The following DGKB variants were observed in gnomAD, a reference collection of about 807,000 sequenced individuals.
DGKB encodes diacylglycerol kinase beta, also known as 90 kDa diacylglycerol kinase.
DGKB carries 67 observed loss-of-function variants against 114.3 expected under a neutral mutation model. That is an observed-to-expected ratio of 0.59 (90% confidence interval 0.48 to 0.72). The LOEUF (loss-of-function observed/expected upper bound fraction) is 0.72, where lower values mean the gene tolerates loss of function less well. DGKB is among the 30% of genes least tolerant of loss of function. The pLI is 0.00. For synonymous variants in DGKB, 398 were observed against 323.1 expected, an observed-to-expected ratio of 1.23 and a Z score of -2.49; for missense variants, 907 against 975.2, an observed-to-expected ratio of 0.93 and a Z score of 0.93.
At chr7:14,565,684 T>G (rs1254285602) in intron 20 of DGKB, among the ~76,000 whole-genome samples, 1 of 152,156 alleles carries the variant, frequency 6.6e-6, no homozygotes, top group African/African-American at 2.4e-5. Context: ...CCCTGGACAC[T>G]GTCGATTTTA....
At chr7:14,905,252 T>G (rs1471184143), upstream of DGKB, among the ~76,000 whole-genome samples, 6 of 151,244 alleles carry the variant, frequency 4.0e-5, no homozygotes, top group East Asian at 7.7e-4. Flanking sequence ...TAGTTTTTTT[T>G]TTTTTTTTTT....
Position 14,724,707 on chromosome 7 carries a change from A to G in DGKB, c.323-6022T>C, listed in dbSNP as rs780723220. On this transcript the variant is annotated intron_variant, in intron 5 of 25. Transcript: ENST00000402815. ...TACAGTGGTCTTATTTGACCCTACA[A>G]TTCTGTTTTAAAGATGAGAAAGTGG... is the stretch of plus-strand genomic sequence containing the variant. 4.6e-5 allele frequency among the ~76,000 whole-genome samples: 7 copies of G among 152,220 alleles called. 1 individual carries two copies. Among genetic ancestry groups the G allele is most frequent in the Admixed American group, 1.3e-4 (2 of 15,278 alleles).
At chr7:14,822,098 C>T (rs1023293119) in intron 2 of DGKB, among the ~76,000 whole-genome samples, 1 of 152,048 alleles carries the variant, frequency 6.6e-6, no homozygotes, top group Admixed American at 6.6e-5. Flanking sequence ...TTACTTTAAT[C>T]GGGCAGAAAG....
chr7:14,459,112 C>T (rs961222243), intron 21 of DGKB, among the ~76,000 whole-genome samples: 1 of 152,124 alleles, frequency 6.6e-6, no homozygotes, highest in African/African-American at 2.4e-5. Context: ...CAGAGCCCAC[C>T]GCAGCTTGGC....
intron 21 of DGKB, among the ~76,000 whole-genome samples, chr7:14,409,828 G>C (rs543952573): frequency 2.0e-5 from 3 of 151,300 alleles, no homozygotes; most frequent in Non-Finnish European, 2.9e-5. Context: ...CTTATAAACA[G>C]ACAAGTACTG....
chr7:14,154,165 G>A (rs1042216771), intron 25 of DGKB, among the ~76,000 whole-genome samples: 3 of 138,716 alleles, frequency 2.2e-5, no homozygotes, highest in Non-Finnish European at 4.6e-5. Flanking sequence ...AATTGATATG[G>A]TAGAGTTTTG....
At position 14,155,129 on chromosome 7, in the gene DGKB, C is replaced by G. The variant is rs76656309; in HGVS notation, c.2305-5891G>C. On this transcript the variant is annotated intron_variant, in intron 25 of 25. Coordinates refer to ENST00000402815, the MANE Select transcript of DGKB (RefSeq NM_001350709.2). ...GCCTATTTGTCATTTTACTTCTCTT[C>G]CTAAGTGGCAAGACCAATAAGAATC... 8.2e-3 allele frequency among the ~76,000 whole-genome samples: 1,245 copies of G among 152,130 alleles called. 20 individuals are homozygous for G. The highest frequency in any genetic ancestry group is 8.7e-3 in the Non-Finnish European group (591 of 67,986).
At chr7:14,556,548 C>T (rs1795902887) in intron 20 of DGKB, among the ~76,000 whole-genome samples, 1 of 151,794 alleles carries the variant, frequency 6.6e-6, no homozygotes, top group African/African-American at 2.4e-5. Context: ...CCCCTATGCC[C>T]CTATACGTGT....
chr7:14,852,487 C>CAACAAAAAAA (rs1849497067), intron 1 of DGKB, among the ~76,000 whole-genome samples: 1 of 63,616 alleles, frequency 1.6e-5, no homozygotes, highest in Non-Finnish European at 3.0e-5. Flanking sequence ...TAGTGAAAGT[C>CAACAAAAAAA]AAAAAAAAAA....
At chr7:14,740,928 T>C (rs1260196301) in intron 4 of DGKB, among the ~76,000 whole-genome samples, 1 of 152,188 alleles carries the variant, frequency 6.6e-6, no homozygotes, top group Non-Finnish European at 1.5e-5. Flanking sequence ...CTCTCTCATG[T>C]ACCCTGGGCA....
chr7:14,160,454 A>G (rs1021122371), intron 25 of DGKB, among the ~76,000 whole-genome samples: 4 of 152,218 alleles, frequency 2.6e-5, no homozygotes, highest in South Asian at 2.1e-4. Flanking sequence ...AATGTGCAAG[A>G]ATCACAAGCA....
At chr7:14,272,871 GA>G (rs796266728) in intron 23 of DGKB, among the ~76,000 whole-genome samples, 11 of 151,820 alleles carry the variant, frequency 7.2e-5, no homozygotes, top group South Asian at 6.2e-4. Context: ...AGTTTGAAAG[GA>G]AAAAAAAGAT....
At chr7:14,548,992 T>A (rs1238057521) in intron 20 of DGKB, among the ~76,000 whole-genome samples, 12 of 147,264 alleles carry the variant, frequency 8.1e-5, no homozygotes, top group Middle Eastern at 3.2e-3. Context: ...TGAGGAGGAG[T>A]GAAATAACCC....
At chr7:14,417,032 T>C (rs1051504360) in intron 21 of DGKB, among the ~76,000 whole-genome samples, 4 of 152,234 alleles carry the variant, frequency 2.6e-5, no homozygotes, top group African/African-American at 9.6e-5. Context: ...TTCTTGATTA[T>C]AAAGATACAC....
At chr7:14,795,860 T>G (rs940405708) in intron 2 of DGKB, among the ~76,000 whole-genome samples, 14 of 152,192 alleles carry the variant, frequency 9.2e-5, no homozygotes, top group Non-Finnish European at 1.6e-4. Flanking sequence ...TTTAAAAGTT[T>G]ATTTAAAAGC....
intron 23 of DGKB, among the ~76,000 whole-genome samples, chr7:14,255,766 G>A (rs540841385): frequency 6.7e-6 from 1 of 149,246 alleles, no homozygotes; most frequent in Non-Finnish European, 1.5e-5. Context: ...TCTTCTCCGT[G>A]CAGCTAAGCT....
intron 20 of DGKB, among the ~76,000 whole-genome samples, chr7:14,499,223 A>G (rs1258758908): frequency 6.6e-6 from 1 of 151,656 alleles, no homozygotes; most frequent in Non-Finnish European, 1.5e-5. Flanking sequence ...TGCCCCTTTT[A>G]CTGCTTTTTG....
intron 21 of DGKB, among the ~76,000 whole-genome samples, chr7:14,475,455 G>T (rs529170470): frequency 6.6e-6 from 1 of 152,094 alleles, no homozygotes; most frequent in African/African-American, 2.4e-5. Context: ...GACTTAATCT[G>T]CAAATGTATA....
At chr7:14,801,586 CT>C (rs976542059) in intron 2 of DGKB, among the ~76,000 whole-genome samples, 1 of 151,902 alleles carries the variant, frequency 6.6e-6, no homozygotes, top group African/African-American at 2.4e-5. Flanking sequence ...GAATTTGTCC[CT>C]TTTTTTTCTG....
Sources: gnomAD v4.1 joint callset for allele counts (sites outside exome capture counted in the v4.1 genomes callset) on GRCh38, gnomAD v4.1.1 for gene constraint, MANE v1.5 for transcripts, NCBI Gene and HGNC (gene_info 2026-07-23, HGNC 2026-07-21) for gene names.